The following SEC24D variants were observed in gnomAD, a reference collection of about 807,000 sequenced individuals.
The protein encoded by SEC24D is protein transport protein Sec24D.
Under a neutral mutation model 116.9 loss-of-function variants are expected in SEC24D, and 69 were observed. That is an observed-to-expected ratio of 0.59 (90% CI 0.49 to 0.72). The LOEUF is 0.72. Among genes scored for constraint, SEC24D ranks in the 30% least tolerant of loss-of-function variants. The pLI, the probability that SEC24D is intolerant of heterozygous loss-of-function variation, is 0.00. For missense variants in SEC24D, 1,131 were observed against 1,264.1 expected, an observed-to-expected ratio of 0.89 and a Z score of 1.60; for synonymous variants, 405 against 442.8, an observed-to-expected ratio of 0.91 and a Z score of 1.07.
chr4:118,810,074 C>CTGTGTGTGTGTGTG (rs71595321), intron 6 of SEC24D, among the ~76,000 whole-genome samples: 700 of 38,548 alleles, frequency 0.018, 69 homozygotes, highest in East Asian at 0.043. Context: ...TCAGAGGTAG[C>CTGTGTGTGTGTGTG]TGTGTGTGTG....
intron 2 of SEC24D, 145 bp from the exon 3 acceptor site, chr4:118,824,894 C>T: frequency 1.5e-6 from 1 of 646,164 alleles, no homozygotes. Context: ...TAACCATCAC[C>T]TACAGACCTG....
rs115315704 is a variant in SEC24D at position 118,834,471 on chromosome 4, A to G, written c.-41-734T>C. On this transcript the variant is annotated intron_variant, in intron 1 of 22. Transcript: ENST00000280551. Reference sequence around the variant, plus strand: ...TAGGCACACACATCACAAATATAACAGACTCATCTTGATTTTTTTTAAATC... The same window carrying G: ...TAGGCACACACATCACAAATATAACGGACTCATCTTGATTTTTTTTAAATC... 3.0e-3 allele frequency among the ~76,000 whole-genome samples: 449 copies of G among 152,106 alleles called. 3 individuals carry two copies. Among genetic ancestry groups the G allele is most frequent in the African/African-American group, 0.01 (428 of 41,546 alleles).
At chr4:118,804,923 C>CACACACACACAT (rs61167863) in intron 7 of SEC24D, among the ~76,000 whole-genome samples, 1 of 140,670 alleles carries the variant, frequency 7.1e-6, no homozygotes, top group East Asian at 2.2e-4. Flanking sequence ...CACACACACA[C>CACACACACACAT]ATATACAAAG....
intron 19 of SEC24D, among the ~76,000 whole-genome samples, chr4:118,734,359 T>A (rs938200564): frequency 6.6e-6 from 1 of 151,764 alleles, no homozygotes; most frequent in African/African-American, 2.4e-5. Flanking sequence ...ATTACAGGCA[T>A]GTACCACCAC....
In SEC24D at chr4:118,835,192, T is replaced by C. The variant is rs1731040980; in HGVS notation, c.-42+749A>G. On this transcript the variant is annotated intron_variant, in intron 1 of 22. Transcript: ENST00000280551. ...ACGAACACACCTAAGTAGCAGCCTG[T>C]TGCTGAGTGACAGAAAAGAGAGGCT... 3.9e-5 allele frequency among the ~76,000 whole-genome samples: 6 copies of C among 152,182 alleles called. No individual in the cohort carries two copies. The South Asian group carries it at 1.0e-3, about 26-fold the overall frequency.
intron 8 of SEC24D, among the ~76,000 whole-genome samples, chr4:118,775,372 A>G (rs1475000713): frequency 6.6e-6 from 1 of 151,744 alleles, no homozygotes; most frequent in Non-Finnish European, 1.5e-5. Context: ...AAAAGAAGAA[A>G]TCTTCAGAGG....
chr4:118,825,292 G>T, intron 2 of SEC24D: 1 of 251,658 alleles, frequency 4.0e-6, no homozygotes, highest in Non-Finnish European at 7.8e-6. Context: ...ATCCTAACTG[G>T]CTGGATGATG....
intron 8 of SEC24D, among the ~76,000 whole-genome samples, chr4:118,772,197 T>G (rs573989784): frequency 3.3e-5 from 5 of 152,154 alleles, no homozygotes; most frequent in Admixed American, 6.5e-5. Flanking sequence ...AGGAAAGTAA[T>G]GAATTGCAAT....
chr4:118,761,603 T>C (rs1465528570), intron 10 of SEC24D, among the ~76,000 whole-genome samples: 2 of 152,236 alleles, frequency 1.3e-5, no homozygotes, highest in African/African-American at 2.4e-5. Flanking sequence ...GCCAAGAATT[T>C]GGCTGGAAAA....
intron 22 of SEC24D, among the ~76,000 whole-genome samples, chr4:118,726,010 A>C (rs1725392522): frequency 6.6e-6 from 1 of 152,210 alleles, no homozygotes; most frequent in South Asian, 2.1e-4. Context: ...AGAACATTAA[A>C]ATAATCACTG....
At chr4:118,829,395 C>T (rs961914471) in intron 2 of SEC24D, among the ~76,000 whole-genome samples, 5 of 152,052 alleles carry the variant, frequency 3.3e-5, no homozygotes, top group African/African-American at 1.2e-4. Context: ...ACCTATAATC[C>T]TGGCCACTTG....
rs1253317224 is a variant in SEC24D, at chr4:118,824,689, C to A, written c.179G>T (p.Gly60Val). 1.2e-6 allele frequency: 2 copies of A among 1,608,864 alleles called. No homozygotes were observed. Among genetic ancestry groups the A allele is most frequent in the South Asian group, 2.2e-5 (2 of 90,064 alleles). Residue 60 changes from glycine to valine, a missense_variant, in exon 3 of 23, where the codon GGT becomes GTT. Physicochemically the swap from Gly to Val is moderately radical, Grantham distance 109. Coordinates refer to ENST00000280551, the MANE Select transcript of SEC24D (RefSeq NM_014822.4). ...ATATRGMLPP[G>V]PPPPGPHQFG... ...CTGATGGGGTCCAGGAGGTGGGGGACCCGGAGGCAACATTCCCCTAGTGGC... is the reference window on the plus strand; with the variant it reads ...CTGATGGGGTCCAGGAGGTGGGGGAACCGGAGGCAACATTCCCCTAGTGGC...
At chr4:118,816,825 A>G (rs1255197840) in intron 4 of SEC24D, 2 of 456,034 alleles carry the variant, frequency 4.4e-6, no homozygotes, top group East Asian at 1.4e-4. Flanking sequence ...GCCTCACAAC[A>G]TCTGAGCTTC....
intron 6 of SEC24D, among the ~76,000 whole-genome samples, chr4:118,813,975 T>C (rs1330848109): frequency 6.6e-6 from 1 of 152,204 alleles, no homozygotes; most frequent in Admixed American, 6.5e-5. Flanking sequence ...TGAGTATTAA[T>C]AAACAGTAGT....
chr4:118,833,990 C>T (rs1482928816), intron 1 of SEC24D, among the ~76,000 whole-genome samples: 4 of 152,106 alleles, frequency 2.6e-5, no homozygotes, highest in East Asian at 1.9e-4. Context: ...AATAATAACT[C>T]GCAACCACTT....
chr4:118,827,909 A>G (rs115744897), intron 2 of SEC24D, among the ~76,000 whole-genome samples: 6,653 of 152,252 alleles, frequency 0.044, 203 homozygotes, highest in Non-Finnish European at 0.064. Flanking sequence ...CCTGGACCTG[A>G]CAAACTAAAA....
intron 2 of SEC24D, among the ~76,000 whole-genome samples, chr4:118,825,843 T>C (rs1259482299): frequency 1.3e-5 from 2 of 152,186 alleles, no homozygotes; most frequent in East Asian, 1.9e-4. Context: ...GACTTCGTCA[T>C]AGTATTTCAT....
At chr4:118,739,878 T>C (rs1726146541) in intron 17 of SEC24D, among the ~76,000 whole-genome samples, 1 of 152,192 alleles carries the variant, frequency 6.6e-6, no homozygotes. Flanking sequence ...GGTCATAGTT[T>C]TTCTTGTTTT....
At position 118,743,970 on chromosome 4, in the gene SEC24D, C is replaced by A; in HGVS notation, c.1995+18G>T. The A allele has an allele frequency of 6.3e-7, 1 of 1,587,016 alleles. No homozygotes were observed. Among genetic ancestry groups the A allele is most frequent in the South Asian group, 1.2e-5 (1 of 86,870 alleles). On this transcript the variant is annotated intron_variant, in intron 15 of 22. Transcript: ENST00000280551. ...AATGGGAGTAGAAGACCAAGGTGAA[C>A]AAATTGCTGGCATTTACCTGGAAAT...
Sources: gnomAD v4.1 joint callset for allele counts (sites outside exome capture counted in the v4.1 genomes callset) on GRCh38, gnomAD v4.1.1 for gene constraint, MANE v1.5 for transcripts, NCBI Gene and HGNC (gene_info 2026-07-23, HGNC 2026-07-21) for gene names.